Variants in SSR1 observed in about 807,000 individuals in gnomAD.
SSR1 encodes the protein translocon-associated protein subunit alpha.
SSR1 carries 13 observed loss-of-function variants against 36.1 expected under a neutral mutation model. The ratio of observed to expected loss-of-function variants is 0.36; its 90% CI spans 0.23 to 0.57. SSR1 has a LOEUF of 0.57. Among genes scored for constraint, SSR1 ranks in the 20% least tolerant of loss-of-function variants. SSR1 has a pLI of 0.81. For synonymous variants in SSR1, 113 were observed against 118.9 expected (o/e 0.95, Z 0.32); for missense variants, 291 against 338.5 (o/e 0.86, Z 1.10).
intron 4 of SSR1, 85 bp downstream of exon 4, chr6:7,301,225 G>A (rs1325618466): frequency 6.7e-7 from 1 of 1,481,770 alleles, no homozygotes; most frequent in East Asian, 2.3e-5. Flanking sequence ...ACAGGCAACT[G>A]AATGAACAGA....
intron 2 of SSR1, among the ~76,000 whole-genome samples, chr6:7,309,537 T>C (rs1236849002): frequency 1.3e-5 from 2 of 152,334 alleles, no homozygotes; most frequent in Middle Eastern, 6.8e-3. Flanking sequence ...CCAAATCTCA[T>C]CTTGAAGTGT....
intron 5 of SSR1, 27 bp from the exon 6 acceptor site, chr6:7,298,028 T>A: frequency 2.6e-6 from 4 of 1,551,096 alleles, no homozygotes; most frequent in Non-Finnish European, 1.8e-6. Flanking sequence ...AAATATGAAC[T>A]GTCTTTAATT....
intron 2 of SSR1, among the ~76,000 whole-genome samples, chr6:7,304,828 C>T (rs534574780): frequency 6.6e-6 from 1 of 152,284 alleles, no homozygotes; most frequent in African/African-American, 2.4e-5. Flanking sequence ...TTTTCACTTA[C>T]ATAAAATACT....
At chr6:7,299,895 T>A (rs1383945965) in intron 4 of SSR1, among the ~76,000 whole-genome samples, 2 of 152,186 alleles carry the variant, frequency 1.3e-5, no homozygotes, top group African/African-American at 2.4e-5. Context: ...TGTCACTTAT[T>A]GCTAAACTGT....
At chr6:7,312,488 G>A (rs1272575725) in intron 1 of SSR1, among the ~76,000 whole-genome samples, 2 of 152,190 alleles carry the variant, frequency 1.3e-5, no homozygotes, top group Admixed American at 1.3e-4. Context: ...TACGGGTCAA[G>A]CAGGGCGTGA....
At position 7,288,673 on chromosome 6, in the gene SSR1, T is replaced by G. The variant is rs1757610722; in HGVS notation, c.*1191A>C. 4 of 152,578 alleles carry G rather than the reference T, an allele frequency of 2.6e-5. No homozygotes were observed. Among genetic ancestry groups the G allele is most frequent in the African/African-American group, 9.7e-5 (4 of 41,436 alleles). 9.5% of individuals were successfully genotyped at this position (152,578 alleles called of 1,614,324 possible). ...GAGCCTCTTAATTGTTCATACTATT[T>G]TACTTCACCCTCCATCCAGTCTGAC... On this transcript the variant is annotated 3_prime_UTR_variant, in exon 8 of 8. Transcript: ENST00000244763.
At position 7,303,586 on chromosome 6, in the gene SSR1, T is replaced by A; in HGVS notation, c.244A>T (p.Ser82Cys). 6.2e-7 allele frequency: 1 copy of A among 1,613,596 alleles called. No individual in the cohort carries two copies. The highest frequency in any genetic ancestry group is 1.3e-5 in the African/African-American group (1 of 75,016). Residue 82 changes from serine to cysteine, a missense_variant, in exon 3 of 8, where the codon AGT becomes TGT. By Grantham distance (112) the Ser-to-Cys change is moderately radical (BLOSUM62 -1). Coordinates refer to ENST00000244763, the MANE Select transcript of SSR1 (RefSeq NM_003144.5). ...DVSGEPEASP[S>C]ADTTILFVKG... Reference sequence around the variant, plus strand: ...ACAAACAGTATAGTTGTATCTGCACTCGGTGAAGCTTCAGGTTCACCAGAC... The same window carrying A: ...ACAAACAGTATAGTTGTATCTGCACACGGTGAAGCTTCAGGTTCACCAGAC...
At chr6:7,303,481 G>T in intron 3 of SSR1, 69 bp downstream of exon 3, 2 of 1,071,644 alleles carry the variant, frequency 1.9e-6, no homozygotes, top group Non-Finnish European at 2.8e-6. Context: ...TGGGTATTCA[G>T]ATATATATGA....
intron 2 of SSR1, among the ~76,000 whole-genome samples, chr6:7,308,739 T>A (rs1473277176): frequency 5.6e-5 from 7 of 124,550 alleles, no homozygotes; most frequent in African/African-American, 2.3e-4. Flanking sequence ...AAAACACATA[T>A]AACTGCCCCA....
chr6:7,294,592 G>A (rs12209525), intron 7 of SSR1, among the ~76,000 whole-genome samples: 1 of 152,196 alleles, frequency 6.6e-6, no homozygotes, highest in African/African-American at 2.4e-5. Flanking sequence ...TTGGGAAGCT[G>A]AGGCAGGAGA....
At chr6:7,291,882 G>A (rs1757689213) in intron 7 of SSR1, among the ~76,000 whole-genome samples, 1 of 151,920 alleles carries the variant, frequency 6.6e-6, no homozygotes, top group Non-Finnish European at 1.5e-5. Context: ...GACCAGCCTG[G>A]GCAACATGGT....
At chr6:7,296,060 A>G (rs1757788306) in intron 6 of SSR1, among the ~76,000 whole-genome samples, 1 of 152,240 alleles carries the variant, frequency 6.6e-6, no homozygotes, top group African/African-American at 2.4e-5. Flanking sequence ...AAATACAATT[A>G]AACAGTTGGC....
chr6:7,298,366 T>G (rs552449760), intron 5 of SSR1, among the ~76,000 whole-genome samples: 13 of 152,204 alleles, frequency 8.5e-5, no homozygotes, highest in South Asian at 8.3e-4. Flanking sequence ...AAAAAAAGAT[T>G]CATCATTCAG....
At position 7,303,615 on chromosome 6, in the gene SSR1, T is replaced by C; in HGVS notation, c.215A>G (p.Asp72Gly). ...TDLVEDKEEEDVSGEPEASPS... is the reference protein window; with the variant it reads ...TDLVEDKEEEGVSGEPEASPS... ...TGAAGCTTCAGGTTCACCAGACACA[T>C]CTTCTTCCTCTTTATCTTCTACCTA... Residue 72 changes from aspartate (D) to glycine (G), a missense_variant, in exon 3 of 8, where the codon GAT (aspartate) becomes GGT (glycine). By Grantham distance (94) the Asp-to-Gly change is moderately conservative (BLOSUM62 -1). Transcript: ENST00000244763. The C allele has an allele frequency of 6.2e-7, 1 of 1,613,048 alleles. No individual in the cohort carries two copies. Among genetic ancestry groups the C allele is most frequent in the Non-Finnish European group, 8.5e-7 (1 of 1,179,314 alleles).
intron 6 of SSR1, among the ~76,000 whole-genome samples, chr6:7,296,514 A>T (rs2326900): frequency 0.37 from 56,338 of 152,134 alleles, 10,522 homozygotes; most frequent in South Asian, 0.45. Context: ...CTGCCTGACT[A>T]AAGGCTTAAT....
chr6:7,305,811 T>G (rs1185948915), intron 2 of SSR1, among the ~76,000 whole-genome samples: 1 of 152,246 alleles, frequency 6.6e-6, no homozygotes, highest in Non-Finnish European at 1.5e-5. Context: ...AAGGCAATGT[T>G]GCTGCCAAGA....
Position 7,295,413 on chromosome 6 carries a change from G to T in SSR1, c.772C>A (p.Gln258Lys). The part of the protein sequence containing the change: ...QNDVDMSWIP[Q>K]ETLNQINKAS... ...TTACTGATTTGATTCAATGTTTCCT[G>T]AGGAATCCAACTCATGTCAACATCA... The change falls in exon 7 of 8, where the codon CAG becomes AAG. Residue 258 changes from glutamine to lysine, a missense_variant. By Grantham distance (53) the Gln-to-Lys change is moderately conservative (BLOSUM62 1). Transcript: ENST00000244763. The T allele has an allele frequency of 6.2e-7, 1 of 1,611,608 alleles. No individual in the cohort carries two copies.
In SSR1 at chr6:7,282,631, C is replaced by G. The variant is rs1441910993; in HGVS notation, c.*7233G>C. 3 of 152,222 alleles carry G rather than the reference C, an allele frequency of 2.0e-5. No individual in the cohort carries two copies. Among genetic ancestry groups the G allele is most frequent in the Non-Finnish European group, 4.4e-5 (3 of 68,046 alleles). The allele number at this position is 152,222 out of a possible 1,614,324, so 9.4% of individuals were successfully genotyped here. On this transcript the variant is annotated 3_prime_UTR_variant, in exon 8 of 8. Transcript: ENST00000244763. ...GGTTCCTGAAATGAGTATTTCTAGG[C>G]AGGGGGCTTCAGTATAAACCAGATG...
chr6:7,304,092 C>T (rs1164191677), intron 2 of SSR1, among the ~76,000 whole-genome samples: 1 of 152,242 alleles, frequency 6.6e-6, no homozygotes, highest in East Asian at 1.9e-4. Context: ...AGCAGTGCCT[C>T]TTGAACAGTA....
Sources: gnomAD v4.1 joint callset for allele counts (sites outside exome capture counted in the v4.1 genomes callset) on GRCh38, gnomAD v4.1.1 for gene constraint, MANE v1.5 for transcripts, NCBI Gene and HGNC (gene_info 2026-07-23, HGNC 2026-07-21) for gene names.